PEPD: variants seen among roughly 807,000 people sequenced by gnomAD.
The protein encoded by PEPD is xaa-Pro dipeptidase.
A neutral mutation model predicts 60.7 loss-of-function variants in PEPD; 53 were observed. The ratio of observed to expected loss-of-function variants is 0.87; its 90% CI spans 0.70 to 1.10. The LOEUF (loss-of-function observed/expected upper bound fraction) is 1.10. PEPD is among the 50% of genes least tolerant of loss of function. The probability of loss-of-function intolerance (pLI) is 0.00; values close to 1 mark genes in which losing one functional copy is unlikely to be tolerated. For synonymous variants in PEPD, 267 were observed against 284.1 expected, an observed-to-expected ratio of 0.94 and a Z score of 0.60; for missense variants, 711 against 711.9, an observed-to-expected ratio of 1.00 and a Z score of 0.01.
At chr19:33,425,031 C>G (rs1969110850) in intron 9 of PEPD, among the ~76,000 whole-genome samples, 1 of 152,118 alleles carries the variant, frequency 6.6e-6, no homozygotes, top group African/African-American at 2.4e-5. Flanking sequence ...AGGTTACCCT[C>G]AGATACATCC....
intron 4 of PEPD, among the ~76,000 whole-genome samples, chr19:33,497,340 T>A (rs1036899419): frequency 6.6e-6 from 1 of 152,248 alleles, no homozygotes; most frequent in Non-Finnish European, 1.5e-5. Flanking sequence ...AGCAAGTGCA[T>A]GGAACGCACG....
intron 9 of PEPD, among the ~76,000 whole-genome samples, chr19:33,430,352 G>A (rs527500397): frequency 4.2e-4 from 64 of 152,234 alleles, no homozygotes; most frequent in African/African-American, 1.4e-3. Flanking sequence ...TAGGGTTGAC[G>A]GTCGAAGTGT....
At chr19:33,440,715 A>G (rs1235493189) in intron 9 of PEPD, among the ~76,000 whole-genome samples, 3 of 152,134 alleles carry the variant, frequency 2.0e-5, no homozygotes, top group African/African-American at 7.2e-5. Context: ...ATTTTTCCAC[A>G]GTCCTGGTCA....
rs530323649 is a variant in PEPD, at chr19:33,465,756, A to G, written c.549-1694T>C. ...GCGACACTGAGACTTAACTGAGACA[A>G]TGTCAAAGAGCGCATGACCCACTCT... On this transcript the variant is annotated intron_variant, in intron 7 of 14. Transcript: ENST00000244137. Among the ~76,000 whole-genome samples the G allele has an allele frequency of 8.7e-4, 132 of 152,128 alleles. 1 individual carries two copies. Among genetic ancestry groups the G allele is most frequent in the Non-Finnish European group, 1.7e-3 (116 of 68,024 alleles).
chr19:33,402,577 C>T (rs1398799687), intron 11 of PEPD, among the ~76,000 whole-genome samples: 1 of 152,156 alleles, frequency 6.6e-6, no homozygotes. Context: ...TGCCAGGGCC[C>T]AAGGGGAGGG....
chr19:33,419,234 C>A (rs1968958575), intron 9 of PEPD, among the ~76,000 whole-genome samples: 1 of 152,142 alleles, frequency 6.6e-6, no homozygotes, highest in African/African-American at 2.4e-5. Flanking sequence ...CTCCTGGAGC[C>A]CCACTGCTGC....
At chr19:33,467,403 G>A (rs1311679098) in intron 7 of PEPD, among the ~76,000 whole-genome samples, 1 of 151,426 alleles carries the variant, frequency 6.6e-6, no homozygotes, top group African/African-American at 2.4e-5. Context: ...AAGATTTACT[G>A]CTCACATAAA....
At chr19:33,479,938 C>G (rs989439181) in intron 6 of PEPD, among the ~76,000 whole-genome samples, 1 of 152,118 alleles carries the variant, frequency 6.6e-6, no homozygotes. Context: ...TACTCAGTAA[C>G]GGGATTGCTG....
At chr19:33,440,635 G>A (rs1969464829) in intron 9 of PEPD, among the ~76,000 whole-genome samples, 1 of 152,142 alleles carries the variant, frequency 6.6e-6, no homozygotes, top group Non-Finnish European at 1.5e-5. Context: ...TCTGTGCAAG[G>A]CTTTCAACAT....
intron 6 of PEPD, among the ~76,000 whole-genome samples, chr19:33,486,169 G>A (rs536313565): frequency 4.8e-4 from 73 of 152,218 alleles, no homozygotes; most frequent in African/African-American, 1.6e-3. Context: ...GTGTTCCAGG[G>A]AGCCTATCTT....
In PEPD at chr19:33,521,695, T is replaced by C. The variant is rs766564228; in HGVS notation, c.17+49A>G. 1.5e-5 allele frequency: 24 copies of C among 1,557,962 alleles called. No individual in the cohort carries two copies. The African/African-American group carries it at 3.3e-4, about 21-fold the overall frequency. On this transcript the variant is annotated intron_variant, in intron 1 of 14. Coordinates refer to ENST00000244137, the MANE Select transcript of PEPD (RefSeq NM_000285.4). ...ACCCGCGGTCCGGCCGGGACACCCA[T>C]GCCCCTCTCCACGCCAGCGGGAAAG...
chr19:33,499,111 C>G (rs900196991), intron 4 of PEPD, among the ~76,000 whole-genome samples: 1 of 152,146 alleles, frequency 6.6e-6, no homozygotes, highest in Non-Finnish European at 1.5e-5. Context: ...GGCAGATGGT[C>G]TCATTGGGAG....
chr19:33,454,527 A>G (rs963351513), intron 9 of PEPD, among the ~76,000 whole-genome samples: 1 of 152,072 alleles, frequency 6.6e-6, no homozygotes, highest in African/African-American at 2.4e-5. Context: ...ATTTGAGCCC[A>G]GGACGTGGAG....
intron 13 of PEPD, among the ~76,000 whole-genome samples, chr19:33,390,446 C>T (rs983059336): frequency 2.0e-5 from 3 of 152,238 alleles, no homozygotes; most frequent in Admixed American, 2.0e-4. Context: ...CCCCCACTGC[C>T]CCCACCCTGC....
At chr19:33,410,093 G>A (rs1442601093) in intron 11 of PEPD, among the ~76,000 whole-genome samples, 3 of 152,238 alleles carry the variant, frequency 2.0e-5, no homozygotes, top group Non-Finnish European at 4.4e-5. Flanking sequence ...ACCAGGATCC[G>A]TGGAGCCAGT....
chr19:33,410,583 G>A (rs1041376358), intron 11 of PEPD, among the ~76,000 whole-genome samples: 2 of 152,234 alleles, frequency 1.3e-5, no homozygotes, highest in Non-Finnish European at 2.9e-5. Context: ...TCCCGCTGGA[G>A]GAGCTGGCAC....
At chr19:33,423,936 A>C (rs917280760) in intron 9 of PEPD, among the ~76,000 whole-genome samples, 2 of 152,260 alleles carry the variant, frequency 1.3e-5, no homozygotes, top group Non-Finnish European at 2.9e-5. Context: ...TACTTAATCA[A>C]TGAACCTAGA....
At chr19:33,387,525 T>C (rs373632440) in intron 14 of PEPD, 44 bp from the exon 15 acceptor site, 1 of 1,610,698 alleles carries the variant, frequency 6.2e-7, no homozygotes. Flanking sequence ...AGCAGCCTCA[T>C]GTGCCAGGCT....
At chr19:33,498,107 G>A (rs1970642418) in intron 4 of PEPD, among the ~76,000 whole-genome samples, 1 of 152,010 alleles carries the variant, frequency 6.6e-6, no homozygotes, top group African/African-American at 2.4e-5. Context: ...GAGCTCTAGT[G>A]TTACTGGAGC....
Sources: gnomAD v4.1 joint callset for allele counts (sites outside exome capture counted in the v4.1 genomes callset) on GRCh38, gnomAD v4.1.1 for gene constraint, MANE v1.5 for transcripts, NCBI Gene and HGNC (gene_info 2026-07-23, HGNC 2026-07-21) for gene names.